AFF3: variants seen among roughly 807,000 people sequenced by gnomAD.
AFF3 encodes the protein ALF transcription elongation factor 3, also known as AF4/FMR2 family member 3.
A neutral mutation model predicts 129.7 loss-of-function variants in AFF3; 32 were observed. The ratio of observed to expected loss-of-function variants is 0.25; its 90% CI spans 0.19 to 0.33. The LOEUF (loss-of-function observed/expected upper bound fraction) is 0.33, where lower values mean the gene tolerates loss of function less well. Among genes scored for constraint, AFF3 ranks in the 10% least tolerant of loss-of-function variants. The pLI, the probability that AFF3 is intolerant of heterozygous loss-of-function variation, is 1.00. For missense variants in AFF3, 1,373 were observed against 1,592.0 expected (o/e 0.86, Z 2.34); for synonymous variants, 644 against 635.4 (o/e 1.01, Z -0.20).
intron 8 of AFF3, among the ~76,000 whole-genome samples, chr2:99,801,521 G>A (rs558961552): frequency 6.6e-6 from 1 of 152,292 alleles, no homozygotes; most frequent in African/African-American, 2.4e-5. Context: ...GTAACCCGCA[G>A]ACCAAGCAGG....
intron 7 of AFF3, among the ~76,000 whole-genome samples, chr2:99,954,955 CTGGACTTTGG>C (rs1676501318): frequency 6.6e-6 from 1 of 151,024 alleles, no homozygotes; most frequent in Non-Finnish European, 1.5e-5. Context: ...GAAAATATTG[CTGGACTTTGG>C]AAACTACAAA....
intron 4 of AFF3, among the ~76,000 whole-genome samples, chr2:100,063,412 TACC>T (rs1156342337): frequency 6.6e-6 from 1 of 152,210 alleles, no homozygotes. Flanking sequence ...ATGTGTATTT[TACC>T]ACAATTTTTT....
At chr2:99,986,029 T>G (rs1031803908) in intron 7 of AFF3, among the ~76,000 whole-genome samples, 1 of 151,638 alleles carries the variant, frequency 6.6e-6, no homozygotes, top group African/African-American at 2.4e-5. Flanking sequence ...TGAAACCCCG[T>G]CTCTGCTAAA....
rs1198109124 is a variant in AFF3, at chr2:99,587,210, C to G, written c.2535G>C (p.Leu845=). 6.2e-7 allele frequency: 1 copy of G among 1,614,164 alleles called. No individual in the cohort carries two copies. Among genetic ancestry groups the G allele is most frequent in the South Asian group, 1.1e-5 (1 of 91,080 alleles). ...SQGEKDSSSR[L]ATSTSNTLSA... is the part of the protein sequence containing the mutation. ...ACAAAGTATTACTGGTGGAGGTGGC[C>G]AGTCTTGAAGAGCTGTCTTTCTCTC... The change falls in exon 16 of 25, where the codon CTG becomes CTC. Residue 845 remains leucine (L), a synonymous_variant. Coordinates refer to ENST00000672756, the MANE Select transcript of AFF3 (RefSeq NM_001386135.1).
chr2:100,082,207 C>A (rs1418001697), intron 4 of AFF3, among the ~76,000 whole-genome samples: 1 of 152,024 alleles, frequency 6.6e-6, no homozygotes, highest in Non-Finnish European at 1.5e-5. Context: ...TAAACAATGT[C>A]AGGAAAAAGT....
intron 4 of AFF3, among the ~76,000 whole-genome samples, chr2:100,018,269 T>C (rs1428633293): frequency 6.6e-6 from 1 of 152,190 alleles, no homozygotes; most frequent in Non-Finnish European, 1.5e-5. Context: ...GGTAAGTTCA[T>C]TTTATGACAG....
chr2:99,565,124 C>G (rs1447609343), intron 20 of AFF3, among the ~76,000 whole-genome samples: 1 of 151,980 alleles, frequency 6.6e-6, no homozygotes, highest in Non-Finnish European at 1.5e-5. Flanking sequence ...ACTGATGGAG[C>G]TAAGATTTAG....
intron 15 of AFF3, among the ~76,000 whole-genome samples, chr2:99,588,061 A>T (rs1678306509): frequency 6.6e-6 from 1 of 151,880 alleles, no homozygotes; most frequent in Non-Finnish European, 1.5e-5. Flanking sequence ...AGAAGCTATT[A>T]TCTCTTGGTG....
chr2:99,722,686 C>T (rs62156500), intron 11 of AFF3, among the ~76,000 whole-genome samples: 3,591 of 152,312 alleles, frequency 0.024, 53 homozygotes, highest in Non-Finnish European at 0.03. Flanking sequence ...TTTTCCACTA[C>T]GCTCATTGGC....
chr2:100,103,519 T>G (rs1456401728), intron 4 of AFF3, among the ~76,000 whole-genome samples: 291 of 109,204 alleles, frequency 2.7e-3, no homozygotes, highest in Non-Finnish European at 4.1e-3. Flanking sequence ...AGTGGGGGGT[T>G]GGGGGGAGCA....
intron 13 of AFF3, among the ~76,000 whole-genome samples, chr2:99,631,662 G>A (rs1296115534): frequency 6.6e-6 from 1 of 152,206 alleles, no homozygotes; most frequent in Non-Finnish European, 1.5e-5. Flanking sequence ...ATTCATCCGT[G>A]TTGCAGCATT....
intron 4 of AFF3, among the ~76,000 whole-genome samples, chr2:100,057,954 A>G (rs1686943915): frequency 1.3e-5 from 2 of 152,154 alleles, no homozygotes; most frequent in African/African-American, 4.8e-5. Context: ...GGAGACTGCA[A>G]CTCTCAAATA....
intron 13 of AFF3, among the ~76,000 whole-genome samples, chr2:99,645,456 T>C (rs550180172): frequency 1.3e-5 from 2 of 152,236 alleles, no homozygotes; most frequent in East Asian, 3.9e-4. Context: ...TGACTCTCAG[T>C]GGTATAAAAT....
In AFF3 at chr2:99,568,945, T is replaced by C. The variant is rs1676232289; in HGVS notation, c.2919-30A>G. 3 of 1,597,968 alleles carry C rather than the reference T, an allele frequency of 1.9e-6. No individual in the cohort carries two copies. In the East Asian group the frequency reaches 6.7e-5, roughly 36 times the overall value. On this transcript the variant is annotated intron_variant, in intron 18 of 24. Transcript: ENST00000672756. ...AAGGAGAGAATGATATTAAACGTCATTATGGCTTAAGTGCAACGTCTTTTT... is the reference window on the plus strand; with the variant it reads ...AAGGAGAGAATGATATTAAACGTCACTATGGCTTAAGTGCAACGTCTTTTT...
intron 7 of AFF3, among the ~76,000 whole-genome samples, chr2:99,866,703 G>A (rs1489071527): frequency 4.6e-5 from 7 of 152,162 alleles, no homozygotes; most frequent in South Asian, 4.1e-4. Flanking sequence ...GCGGTCGGGC[G>A]TGGTGGCTCA....
At chr2:99,553,705 A>G (rs1050577104) in intron 24 of AFF3, among the ~76,000 whole-genome samples, 11 of 151,938 alleles carry the variant, frequency 7.2e-5, no homozygotes, top group African/African-American at 1.9e-4. Flanking sequence ...CGAGGTCAAG[A>G]GATCGAGATC....
chr2:99,747,467 C>T (rs1313591570), intron 9 of AFF3, among the ~76,000 whole-genome samples: 8 of 152,106 alleles, frequency 5.3e-5, no homozygotes, highest in African/African-American at 1.2e-4. Context: ...ACTACAGGCA[C>T]GCGCCGCCAT....
chr2:99,810,249 A>G (rs1474960838), intron 8 of AFF3, among the ~76,000 whole-genome samples: 1 of 152,228 alleles, frequency 6.6e-6, no homozygotes, highest in Non-Finnish European at 1.5e-5. Flanking sequence ...GCAGACAATT[A>G]TAGGCAAAGA....
chr2:99,813,900 G>T (rs1403477873), intron 8 of AFF3, among the ~76,000 whole-genome samples: 1 of 152,196 alleles, frequency 6.6e-6, no homozygotes, highest in Non-Finnish European at 1.5e-5. Context: ...CTACCAAGTT[G>T]AGTACTACTG....
Sources: allele counts gnomAD v4.1 joint callset (sites outside exome capture counted in the v4.1 genomes callset), GRCh38; gene constraint gnomAD v4.1.1; transcripts MANE v1.5; gene names NCBI Gene and HGNC (gene_info 2026-07-23, HGNC 2026-07-21).